Variants in FBXO34 observed in about 807,000 individuals in gnomAD.
FBXO34 encodes F-box protein 34.
A neutral mutation model predicts 24.5 loss-of-function variants in FBXO34; 12 were observed. That is an observed-to-expected ratio of 0.49 (90% CI 0.31 to 0.79). FBXO34 has a LOEUF of 0.79. FBXO34 is among the 30% of genes least tolerant of loss of function. The pLI, the probability that FBXO34 is intolerant of heterozygous loss-of-function variation, is 0.04. For synonymous variants in FBXO34, 320 were observed against 311.9 expected (o/e 1.03, Z -0.27); for missense variants, 823 against 857.7 (o/e 0.96, Z 0.51).
the FBXO34 span, among the ~76,000 whole-genome samples, chr14:55,399,711 T>C: frequency 6.6e-6 from 1 of 152,200 alleles, no homozygotes; most frequent in Admixed American, 6.5e-5. Flanking sequence ...TTCTGATAAT[T>C]AGAAAATAAT....
chr14:55,334,431 CAG>C (rs774313946), intron 1 of FBXO34, among the ~76,000 whole-genome samples: 1 of 150,282 alleles, frequency 6.7e-6, no homozygotes, highest in Non-Finnish European at 1.5e-5. Flanking sequence ...ATCTTGAAGA[CAG>C]GGTAGAACCT....
At chr14:55,414,337 A>G in the FBXO34 span, 1 of 1,425,566 alleles carries the variant, frequency 7.0e-7, no homozygotes, top group East Asian at 2.3e-5. Context: ...GGGCTTATGG[A>G]CATATTCAAA....
chr14:55,345,601 T>C (rs1376241913), intron 1 of FBXO34, among the ~76,000 whole-genome samples: 1 of 152,178 alleles, frequency 6.6e-6, no homozygotes, highest in Non-Finnish European at 1.5e-5. Flanking sequence ...TTCTGACACA[T>C]ATAACATTTG....
chr14:55,403,635 C>T, the FBXO34 span, among the ~76,000 whole-genome samples: 3 of 151,520 alleles, frequency 2.0e-5, no homozygotes, highest in Non-Finnish European at 4.4e-5. Flanking sequence ...TATTGTGTAC[C>T]GGCATGAAAA....
the FBXO34 span, among the ~76,000 whole-genome samples, chr14:55,381,669 T>C: frequency 6.6e-6 from 1 of 152,240 alleles, no homozygotes; most frequent in African/African-American, 2.4e-5. Flanking sequence ...TGTTCTGTGA[T>C]TCCATTTATA....
intron 1 of FBXO34, among the ~76,000 whole-genome samples, chr14:55,336,979 ATTT>A (rs10573228): frequency 2.6e-4 from 36 of 137,002 alleles, no homozygotes; most frequent in Admixed American, 3.0e-4. Context: ...TTTTTATTTT[ATTT>A]TTTTTTTTTT....
Position 55,271,437 on chromosome 14 carries a change from C to A in FBXO34, c.-111C>A, listed in dbSNP as rs1881138498. On this transcript the variant is annotated 5_prime_UTR_variant, in exon 1 of 2. Coordinates refer to ENST00000313833, the MANE Select transcript of FBXO34 (RefSeq NM_017943.4). ...GCGCTGGGTGCTCGGTCCGACTCAG[C>A]GGTGGGGAGTGAGCCAGGCCTCCCG... 1 of 152,092 alleles carries A rather than the reference C, an allele frequency of 6.6e-6. No homozygotes were observed. Among genetic ancestry groups the A allele is most frequent in the African/African-American group, 2.4e-5 (1 of 41,408 alleles). The allele number at this position is 152,092 out of a possible 1,614,324, so 9.4% of individuals were successfully genotyped here.
At chr14:55,299,261 G>A (rs1882256452) in intron 1 of FBXO34, 1 of 796,232 alleles carries the variant, frequency 1.3e-6, no homozygotes, top group East Asian at 2.4e-5. Context: ...GGAGAACTGG[G>A]CTGGGTCCAG....
the FBXO34 span, among the ~76,000 whole-genome samples, chr14:55,380,875 A>ATAT: frequency 4.4e-4 from 50 of 112,702 alleles, 1 homozygote; most frequent in Admixed American, 1.3e-3. Context: ...ATATATATAT[A>ATAT]TTTTTTTTTT....
chr14:55,299,186 T>A (rs1034755099), intron 1 of FBXO34: 57 of 999,150 alleles, frequency 5.7e-5, no homozygotes, highest in Non-Finnish European at 6.1e-5. Context: ...CTCTACCAAA[T>A]GTTCCCTCTA....
chr14:55,321,638 C>T (rs1384980069), intron 1 of FBXO34, among the ~76,000 whole-genome samples: 1 of 152,186 alleles, frequency 6.6e-6, no homozygotes, highest in African/African-American at 2.4e-5. Flanking sequence ...ATCAAATGAT[C>T]TGCCCGCCTC....
the FBXO34 span, chr14:55,377,940 C>G: frequency 5.6e-6 from 9 of 1,593,100 alleles, no homozygotes; most frequent in Non-Finnish European, 7.7e-6. Flanking sequence ...ATATTTTCAA[C>G]TATTTAACAA....
the FBXO34 span, among the ~76,000 whole-genome samples, chr14:55,435,041 A>C: frequency 1.3e-5 from 2 of 152,202 alleles, no homozygotes; most frequent in African/African-American, 2.4e-5. Flanking sequence ...TTGGCAGGAT[A>C]CAAGAAAGAA....
downstream of FBXO34, among the ~76,000 whole-genome samples, chr14:55,366,015 A>G (rs556726565): frequency 6.6e-6 from 1 of 152,250 alleles, no homozygotes; most frequent in East Asian, 1.9e-4. Flanking sequence ...TGGTTCCAAC[A>G]TTTCCCTTTT....
chr14:55,313,188 A>G (rs754136721), intron 1 of FBXO34, among the ~76,000 whole-genome samples: 9 of 152,174 alleles, frequency 5.9e-5, no homozygotes, highest in Non-Finnish European at 1.2e-4. Context: ...CTCAAGTTCA[A>G]AGTTCCACAG....
Position 55,351,916 on chromosome 14 carries a change from G to A in FBXO34, c.1526G>A (p.Ser509Asn), listed in dbSNP as rs1884399746. ...ESTTKESSEA[S>N]QLEDAAGGDS... is the part of the protein sequence containing the mutation. The stretch of plus-strand genomic sequence containing the variant: ...ACAACAAAAGAGTCTTCAGAGGCCA[G>A]CCAGCTTGAAGATGCTGCTGGGGGT... The change falls in exon 2 of 2, where the codon AGC (serine) becomes AAC (asparagine). Residue 509 changes from serine (S) to asparagine (N), a missense_variant. Physicochemically the swap from Ser to Asn is conservative, Grantham distance 46 (BLOSUM62 1). Coordinates refer to ENST00000313833, the MANE Select transcript of FBXO34 (RefSeq NM_017943.4). 1 of 1,614,054 alleles carries A rather than the reference G, an allele frequency of 6.2e-7. No homozygotes were observed. Among genetic ancestry groups the A allele is most frequent in the African/African-American group, 1.3e-5 (1 of 74,906 alleles).
intron 1 of FBXO34, chr14:55,339,388 C>T (rs374803269): frequency 1.4e-5 from 2 of 145,866 alleles, no homozygotes; most frequent in African/African-American, 5.1e-5. Flanking sequence ...GCCCCCCCCC[C>T]CAATCCTGGA....
chr14:55,355,805 G>A (rs1392651925), downstream of FBXO34, among the ~76,000 whole-genome samples: 1 of 152,156 alleles, frequency 6.6e-6, no homozygotes, highest in Non-Finnish European at 1.5e-5. Context: ...CATTCCTCTC[G>A]AGTGACCATT....
At chr14:55,344,175 T>C (rs1332831099) in intron 1 of FBXO34, among the ~76,000 whole-genome samples, 2 of 152,178 alleles carry the variant, frequency 1.3e-5, no homozygotes, top group Admixed American at 1.3e-4. Context: ...GCTCACCCTC[T>C]CACCTTCTAG....
Sources: allele counts gnomAD v4.1 joint callset (sites outside exome capture counted in the v4.1 genomes callset), GRCh38; gene constraint gnomAD v4.1.1; transcripts MANE v1.5; gene names NCBI Gene and HGNC (gene_info 2026-07-23, HGNC 2026-07-21).